Variants in LNPEP observed in about 807,000 individuals in gnomAD.
The protein encoded by LNPEP is leucyl and cystinyl aminopeptidase.
LNPEP carries 64 observed loss-of-function variants against 120.6 expected under a neutral mutation model. That is an observed-to-expected ratio of 0.53 (90% CI 0.43 to 0.65). The LOEUF (loss-of-function observed/expected upper bound fraction) is 0.65, where lower values mean the gene tolerates loss of function less well. Ranked by LOEUF, LNPEP falls within the 30% of genes least tolerant of loss-of-function variation. The pLI is 0.00. For synonymous variants in LNPEP, 435 were observed against 425.4 expected, an observed-to-expected ratio of 1.02 and a Z score of -0.28; for missense variants, 1,057 against 1,200.0, an observed-to-expected ratio of 0.88 and a Z score of 1.76.
At chr5:96,973,606 G>C (rs1388355624) in intron 1 of LNPEP, among the ~76,000 whole-genome samples, 1 of 152,080 alleles carries the variant, frequency 6.6e-6, no homozygotes, top group Non-Finnish European at 1.5e-5. Flanking sequence ...GTAGTCTAGA[G>C]ATGATTTAAA....
At chr5:97,003,667 G>T (rs112992931) in intron 9 of LNPEP, 121 bp downstream of exon 9, 47 of 558,904 alleles carry the variant, frequency 8.4e-5, no homozygotes, top group African/African-American at 6.7e-4. Context: ...TTAAGAAAGG[G>T]GGGGATGGAG....
At chr5:97,014,849 A>G in intron 12 of LNPEP, 90 bp from the exon 13 acceptor site, 1 of 936,406 alleles carries the variant, frequency 1.1e-6, no homozygotes, top group Non-Finnish European at 1.5e-6. Flanking sequence ...TCCAAGACTC[A>G]CCATCTAACC....
At chr5:96,994,598 A>G (rs38041) in intron 6 of LNPEP, among the ~76,000 whole-genome samples, 76,328 of 151,802 alleles carry the variant, frequency 0.5, 19,385 homozygotes, top group Middle Eastern at 0.58. Flanking sequence ...TGGGTACATA[A>G]CACCCCCATT....
Position 97,035,498 on chromosome 5 carries a change from G to C in LNPEP, c.*6965G>C, listed in dbSNP as rs552714679. 6.6e-6 allele frequency: 1 copy of C among 152,198 alleles called. No homozygotes were observed. Among genetic ancestry groups the C allele is most frequent in the South Asian group, 2.1e-4 (1 of 4,822 alleles). 9.4% of individuals were successfully genotyped at this position (152,198 alleles called of 1,614,324 possible). A position where few individuals can be genotyped will look rare whatever the true frequency, so the allele number is the denominator to read the frequency against. On this transcript the variant is annotated 3_prime_UTR_variant, in exon 18 of 18. Transcript: ENST00000231368. ...ATTTTGTAGTCTTTTGCATGGCTAT[G>C]TAGGGACCTAATGAAAGTCGAGTTT... is the stretch of plus-strand genomic sequence containing the variant.
At chr5:97,021,198 T>C (rs753531717) in intron 13 of LNPEP, among the ~76,000 whole-genome samples, 2 of 151,928 alleles carry the variant, frequency 1.3e-5, no homozygotes, top group Non-Finnish European at 2.9e-5. Flanking sequence ...TGAAATATCG[T>C]ATCTGTATAT....
intron 1 of LNPEP, among the ~76,000 whole-genome samples, chr5:96,966,892 T>G (rs975758329): frequency 9.2e-5 from 14 of 152,130 alleles, no homozygotes; most frequent in Non-Finnish European, 2.9e-5. Context: ...AAATGATGTT[T>G]CATTGTCATT....
rs1037116622 is a variant in LNPEP at position 97,011,251 on chromosome 5, G to C, written c.2036-2397G>C. The C allele has an allele frequency of 1.3e-5, 12 of 926,344 alleles. No homozygotes were observed. The African/African-American group carries it at 2.1e-4, about 17-fold the overall frequency. 57.4% of individuals were successfully genotyped at this position (926,344 alleles called of 1,614,324 possible). A position where few individuals can be genotyped will look rare whatever the true frequency, so the allele number is the denominator to read the frequency against. On this transcript the variant is annotated intron_variant, in intron 11 of 17. Coordinates refer to ENST00000231368, the MANE Select transcript of LNPEP (RefSeq NM_005575.3). Reference sequence around the variant, plus strand: ...TTACGTTTGTTTTTATTAGAGACAGGGTCCTGCTCTGTCACCCAGGCTAAG... The same window carrying C: ...TTACGTTTGTTTTTATTAGAGACAGCGTCCTGCTCTGTCACCCAGGCTAAG...
At position 96,968,872 on chromosome 5, in the gene LNPEP, G is replaced by A. The variant is rs143369782; in HGVS notation, c.20-10266G>A. Among the ~76,000 whole-genome samples, 468 of 152,156 alleles carry A rather than the reference G, an allele frequency of 3.1e-3. 5 individuals are homozygous for A. The highest frequency in any genetic ancestry group is 0.022 in the Admixed American group (331 of 15,246). The stretch of plus-strand genomic sequence containing the variant: ...TGTTCAGAGGCAGAGCAGGCACTGT[G>A]CGTGGTTGTATGTGCTTTAGGGATT... On this transcript the variant is annotated intron_variant, in intron 1 of 17. Coordinates refer to ENST00000231368, the MANE Select transcript of LNPEP (RefSeq NM_005575.3).
At chr5:96,963,995 CTTATCTAATTG>C (rs1225088776) in intron 1 of LNPEP, among the ~76,000 whole-genome samples, 2 of 152,254 alleles carry the variant, frequency 1.3e-5, no homozygotes, top group East Asian at 3.9e-4. Flanking sequence ...ATCTCTTCCA[CTTATCTAATTG>C]TAACTTTTTA....
Position 97,035,108 on chromosome 5 carries a change from C to T in LNPEP, c.*6575C>T, listed in dbSNP as rs1791547415. Reference sequence around the variant, plus strand: ...TATGATAACTCTCCTGTTTCCCTTCCCTCATTGCCTACAGGGGCAATAGTT... The same window carrying T: ...TATGATAACTCTCCTGTTTCCCTTCTCTCATTGCCTACAGGGGCAATAGTT... On this transcript the variant is annotated 3_prime_UTR_variant, in exon 18 of 18. Coordinates refer to ENST00000231368, the MANE Select transcript of LNPEP (RefSeq NM_005575.3). 6.6e-6 allele frequency: 1 copy of T among 152,056 alleles called. No individual in the cohort carries two copies. The highest frequency in any genetic ancestry group is 2.4e-5 in the African/African-American group (1 of 41,394). 9.4% of individuals were successfully genotyped at this position (152,056 alleles called of 1,614,324 possible).
At position 97,026,688 on chromosome 5, in the gene LNPEP, G is replaced by A; in HGVS notation, c.2795G>A (p.Gly932Asp). Reference sequence around the variant, plus strand: ...CTGTCTTTTATCATTAGAACAGTGGGTCGACATTTTCCTGGACACTTACTG... The same window carrying A: ...CTGTCTTTTATCATTAGAACAGTGGATCGACATTTTCCTGGACACTTACTG... ...QKLSFIIRTV[G>D]RHFPGHLLAW... The change falls in exon 16 of 18, where the codon GGT becomes GAT. Residue 932 changes from glycine (G) to aspartate (D), a missense_variant. Coordinates refer to ENST00000231368, the MANE Select transcript of LNPEP (RefSeq NM_005575.3). 6.2e-7 allele frequency: 1 copy of A among 1,612,990 alleles called. No homozygotes were observed. The highest frequency in any genetic ancestry group is 8.5e-7 in the Non-Finnish European group (1 of 1,178,978).
At chr5:96,989,337 T>C (rs1358666516) in intron 4 of LNPEP, among the ~76,000 whole-genome samples, 8 of 22,008 alleles carry the variant, frequency 3.6e-4, no homozygotes, top group African/African-American at 1.2e-3. Context: ...TAATTATATA[T>C]AATATATAAT....
At chr5:97,003,610 C>G (rs758512413) in intron 9 of LNPEP, 64 bp downstream of exon 9, 46 of 1,194,994 alleles carry the variant, frequency 3.8e-5, no homozygotes, top group Non-Finnish European at 5.2e-5. Context: ...TCTATTTATA[C>G]TTTTTAGCAT....
At chr5:96,944,403 A>T (rs1789132558) in intron 1 of LNPEP, among the ~76,000 whole-genome samples, 1 of 152,090 alleles carries the variant, frequency 6.6e-6, no homozygotes, top group African/African-American at 2.4e-5. Context: ...GCTTGATGTT[A>T]TACATTTTAG....
chr5:96,968,757 G>A (rs984243959), intron 1 of LNPEP, among the ~76,000 whole-genome samples: 7 of 152,042 alleles, frequency 4.6e-5, no homozygotes, highest in Admixed American at 3.3e-4. Context: ...AGAAGAGGAT[G>A]GGATAAGGGG....
rs959541798 is a variant in LNPEP, at chr5:97,035,791, T to C, written c.*7258T>C. ...GCTGGAAGGTGTAGCAGTGTATTAA[T>C]GTAACTAATAGCAACAGGTGTGCAG... On this transcript the variant is annotated 3_prime_UTR_variant, in exon 18 of 18. Coordinates refer to ENST00000231368, the MANE Select transcript of LNPEP (RefSeq NM_005575.3). 8 of 152,178 alleles carry C rather than the reference T, an allele frequency of 5.3e-5. No homozygotes were observed. Among genetic ancestry groups the C allele is most frequent in the African/African-American group, 1.9e-4 (8 of 41,450 alleles). The allele number at this position is 152,178 out of a possible 1,614,324, so 9.4% of individuals were successfully genotyped here.
intron 1 of LNPEP, among the ~76,000 whole-genome samples, chr5:96,961,078 A>G (rs1789594451): frequency 1.3e-5 from 2 of 152,316 alleles, no homozygotes; most frequent in South Asian, 4.1e-4. Flanking sequence ...CTGTAAAGGA[A>G]AAAGAATATC....
chr5:96,952,455 C>T (rs944629750), intron 1 of LNPEP, among the ~76,000 whole-genome samples: 4 of 152,058 alleles, frequency 2.6e-5, no homozygotes, highest in East Asian at 1.9e-4. Flanking sequence ...ATTAATCTTG[C>T]GTTTTTCAGG....
Position 96,979,480 on chromosome 5 carries a change from C to T in LNPEP, c.362C>T (p.Ala121Val). The change falls in exon 2 of 18, where the codon GCT becomes GTT. Residue 121 changes from alanine (A) to valine (V), a missense_variant. Transcript: ENST00000231368. ...GTCTGTGCTTTTGTCATCGTGGTTG[C>T]TGTTTCTGTAATCATGGTGATTTAC... Reference protein sequence around the residue: ...MVVCAFVIVVAVSVIMVIYLL... With the variant: ...MVVCAFVIVVVVSVIMVIYLL... 1.2e-6 allele frequency: 2 copies of T among 1,614,080 alleles called. No homozygotes were observed. The highest frequency in any genetic ancestry group is 1.1e-5 in the South Asian group (1 of 91,080).
Sources: allele counts gnomAD v4.1 joint callset (sites outside exome capture counted in the v4.1 genomes callset), GRCh38; gene constraint gnomAD v4.1.1; transcripts MANE v1.5; gene names NCBI Gene and HGNC (gene_info 2026-07-23, HGNC 2026-07-21).